INO80D: variants seen among roughly 807,000 people sequenced by gnomAD.
The protein encoded by INO80D is INO80 complex subunit D.
In INO80D, 21 loss-of-function variants were observed where a neutral mutation model predicts 87.6. That is an observed-to-expected ratio of 0.24 (90% CI 0.17 to 0.35). INO80D has a LOEUF of 0.35. INO80D is among the 10% of genes least tolerant of loss of function. The probability of loss-of-function intolerance (pLI) is 1.00; values close to 1 mark genes in which losing one functional copy is unlikely to be tolerated. For missense variants in INO80D, 982 were observed against 1,280.7 expected, an observed-to-expected ratio of 0.77 and a Z score of 3.56; for synonymous variants, 440 against 491.0, an observed-to-expected ratio of 0.90 and a Z score of 1.37.
intron 7 of INO80D, among the ~76,000 whole-genome samples, chr2:206,018,781 A>T (rs993438485): frequency 6.6e-6 from 1 of 152,172 alleles, no homozygotes; most frequent in Non-Finnish European, 1.5e-5. Context: ...GCATGCCTGT[A>T]GTCCCAGGTA....
At chr2:206,075,977 G>A (rs200842318) in intron 1 of INO80D, among the ~76,000 whole-genome samples, 30 of 151,518 alleles carry the variant, frequency 2.0e-4, no homozygotes, top group African/African-American at 4.8e-4. Flanking sequence ...GCTTGTACCC[G>A]GGAGGTGGAG....
At chr2:206,013,276 A>G (rs185175349) in intron 8 of INO80D, among the ~76,000 whole-genome samples, 123 of 152,270 alleles carry the variant, frequency 8.1e-4, no homozygotes, top group South Asian at 4.1e-4. Context: ...ATAGGAGGCC[A>G]GGCGCGGTGG....
At chr2:206,073,583 G>A (rs1217422415) in intron 1 of INO80D, among the ~76,000 whole-genome samples, 1 of 151,866 alleles carries the variant, frequency 6.6e-6, no homozygotes, top group African/African-American at 2.4e-5. Flanking sequence ...GTATGATTAC[G>A]ACTTACTGAA....
In INO80D at chr2:206,005,357, C is replaced by G; in HGVS notation, c.2095G>C (p.Ala699Pro). 6.2e-7 allele frequency: 1 copy of G among 1,614,020 alleles called. No homozygotes were observed. The highest frequency in any genetic ancestry group is 1.3e-5 in the African/African-American group (1 of 75,050). The change falls in exon 11 of 11, where the codon GCT becomes CCT. Residue 699 changes from alanine to proline, a missense_variant. Ala to Pro is a conservative substitution (Grantham distance 27). Coordinates refer to ENST00000403263, the MANE Select transcript of INO80D (RefSeq NM_017759.5). Reference protein sequence around the residue: ...GIGVFSTGTGASGIQSLSREV... With the variant: ...GIGVFSTGTGPSGIQSLSREV... ...CGGCTCAAGGATTGTATTCCTGAAGCTCCAGTACCTGTGGAGAACACCCCT... is the reference window on the plus strand; with the variant it reads ...CGGCTCAAGGATTGTATTCCTGAAGGTCCAGTACCTGTGGAGAACACCCCT...
intron 1 of INO80D, among the ~76,000 whole-genome samples, chr2:206,076,613 T>C (rs1346069543): frequency 1.3e-5 from 2 of 152,208 alleles, no homozygotes; most frequent in African/African-American, 4.8e-5. Context: ...CCAGAATATT[T>C]TAAAATAATG....
At chr2:206,040,534 T>C in intron 5 of INO80D, 1 of 233,392 alleles carries the variant, frequency 4.3e-6, no homozygotes, top group Non-Finnish European at 9.2e-6. Context: ...TGATGGCACC[T>C]CAGACTGCCC....
rs1202779467 is a variant in INO80D at position 206,004,465 on chromosome 2, C to T, written c.2987G>A (p.Ser996Asn). The change falls in exon 11 of 11, where the codon AGC (serine) becomes AAC (asparagine). Residue 996 changes from serine (S) to asparagine (N), a missense_variant. Coordinates refer to ENST00000403263, the MANE Select transcript of INO80D (RefSeq NM_017759.5). This position sits in a 1 kb window ranked among gnomAD's most constrained non-coding sequence, Gnocchi z 4.9. Reference protein sequence around the residue: ...HSGIPKDLQPSHSSIAPPTGF... With the variant: ...HSGIPKDLQPNHSSIAPPTGF... ...TGTAGGAGGGGCTATAGAGCTGTGGCTGGGCTGCAGGTCCTTAGGAATGCC... is the reference window on the plus strand; with the variant it reads ...TGTAGGAGGGGCTATAGAGCTGTGGTTGGGCTGCAGGTCCTTAGGAATGCC... The T allele has an allele frequency of 6.2e-7, 1 of 1,606,516 alleles. No individual in the cohort carries two copies.
intron 5 of INO80D, among the ~76,000 whole-genome samples, chr2:206,031,692 T>C (rs1688771399): frequency 6.6e-6 from 1 of 152,218 alleles, no homozygotes; most frequent in South Asian, 2.1e-4. Flanking sequence ...GAGGCAGGAC[T>C]GGATTGCAGC....
chr2:206,031,790 G>A (rs948534972), intron 5 of INO80D, among the ~76,000 whole-genome samples: 15 of 152,198 alleles, frequency 9.9e-5, no homozygotes, highest in African/African-American at 2.9e-4. Flanking sequence ...CAGGAATCCC[G>A]AGAGGACCTA....
At position 206,002,139 on chromosome 2, in the gene INO80D, A is replaced by G. The variant is rs373560599; in HGVS notation, c.*2229T>C. ...CTCTGCGACAACCTTTAAATACACA[A>G]TGGAGACTAAACTGAACTGCTGGGA... On this transcript the variant is annotated 3_prime_UTR_variant, in exon 11 of 11. Coordinates refer to ENST00000403263, the MANE Select transcript of INO80D (RefSeq NM_017759.5). 3 of 152,164 alleles carry G rather than the reference A, an allele frequency of 2.0e-5. No individual in the cohort carries two copies. The highest frequency in any genetic ancestry group is 7.2e-5 in the African/African-American group (3 of 41,430). 9.4% of individuals were successfully genotyped at this position (152,164 alleles called of 1,614,324 possible).
Position 206,004,155 on chromosome 2 carries a change from C to T in INO80D, c.*213G>A. 3.4e-6 allele frequency: 2 copies of T among 588,318 alleles called. No homozygotes were observed. Among genetic ancestry groups the T allele is most frequent in the Non-Finnish European group, 6.0e-6 (2 of 331,462 alleles). The allele number at this position is 588,318 out of a possible 1,614,324, so 36.4% of individuals were successfully genotyped here. ...AAGGAAACCACTGGGGCGGAGTGGG[C>T]CTGCCAGGAGGGAATGAGCACCAGT... On this transcript the variant is annotated 3_prime_UTR_variant, in exon 11 of 11. Transcript: ENST00000403263. The surrounding 1 kb of genome is among the most constrained non-coding windows in gnomAD (Gnocchi z 4.9).
At chr2:206,025,207 T>C (rs557203713) in intron 6 of INO80D, among the ~76,000 whole-genome samples, 27 of 152,040 alleles carry the variant, frequency 1.8e-4, no homozygotes, top group African/African-American at 6.5e-4. Context: ...TTTTTCTCTA[T>C]ATATGTACTA....
In INO80D at chr2:206,056,786, G is replaced by C. The variant is rs765557633; in HGVS notation, c.376C>G (p.Leu126Val). Residue 126 changes from leucine (L) to valine (V), a missense_variant, in exon 4 of 11, where the codon CTG (leucine) becomes GTG (valine). Physicochemically the swap from Leu to Val is conservative, Grantham distance 32 (BLOSUM62 1). Coordinates refer to ENST00000403263, the MANE Select transcript of INO80D (RefSeq NM_017759.5). ...GGTGGAGAGAGGGACATTCCATCCA[G>C]TCCGTTGGGCATCTTCAAGGCCAAC... ...PTLALKMPNG[L>V]DGMSLSPPGA... is the part of the protein sequence containing the mutation. 14 of 1,612,696 alleles carry C rather than the reference G, an allele frequency of 8.7e-6. No individual in the cohort carries two copies. Among genetic ancestry groups the C allele is most frequent in the Non-Finnish European group, 1.1e-5 (13 of 1,179,338 alleles).
chr2:206,043,772 G>C (rs55909197), intron 5 of INO80D, among the ~76,000 whole-genome samples: 152,212 of 152,214 alleles, frequency 1, 76,105 homozygotes, highest in Middle Eastern at 1. Flanking sequence ...CAGGCGTGAC[G>C]ACTGTGCCTG....
chr2:206,036,656 C>T (rs1239252676), intron 5 of INO80D, among the ~76,000 whole-genome samples: 3 of 152,068 alleles, frequency 2.0e-5, no homozygotes, highest in East Asian at 3.9e-4. Flanking sequence ...CAAATCACCA[C>T]TGAAGAGCTT....
intron 8 of INO80D, among the ~76,000 whole-genome samples, chr2:206,017,449 T>C (rs973555015): frequency 3.9e-5 from 6 of 152,184 alleles, no homozygotes; most frequent in Non-Finnish European, 5.9e-5. Flanking sequence ...TGTAGAATTG[T>C]ATATAAGAAA....
At chr2:206,083,568 T>C (rs1231510031) in intron 1 of INO80D, among the ~76,000 whole-genome samples, 1 of 152,154 alleles carries the variant, frequency 6.6e-6, no homozygotes, top group Non-Finnish European at 1.5e-5. Context: ...TTAAGCTCAA[T>C]GCTAAATGAC....
At chr2:206,078,946 A>C (rs755243838) in intron 1 of INO80D, among the ~76,000 whole-genome samples, 17 of 152,264 alleles carry the variant, frequency 1.1e-4, no homozygotes, top group Non-Finnish European at 2.2e-4. Context: ...GTCTCAAAAA[A>C]GAAAAGAAAA....
rs1267471724 is a variant in INO80D at position 206,003,496 on chromosome 2, G to A, written c.*872C>T. On this transcript the variant is annotated 3_prime_UTR_variant, in exon 11 of 11. Transcript: ENST00000403263. Reference sequence around the variant, plus strand: ...ACCCCGGCAGCCTGCAGTCATCCCAGGCAAGCTTTTTAGGACATCCCTACC... The same window carrying A: ...ACCCCGGCAGCCTGCAGTCATCCCAAGCAAGCTTTTTAGGACATCCCTACC... 6.6e-6 allele frequency: 1 copy of A among 152,238 alleles called. No individual in the cohort carries two copies. The highest frequency in any genetic ancestry group is 1.5e-5 in the Non-Finnish European group (1 of 68,048). 9.4% of individuals were successfully genotyped at this position (152,238 alleles called of 1,614,324 possible).
Sources: gnomAD v4.1 joint callset for allele counts (sites outside exome capture counted in the v4.1 genomes callset) on GRCh38, gnomAD v4.1.1 for gene constraint, Gnocchi (gnomAD v3.1) non-coding constraint, MANE v1.5 for transcripts, NCBI Gene and HGNC (gene_info 2026-07-23, HGNC 2026-07-21) for gene names.